Variants in LPAR1 observed in about 807,000 individuals in gnomAD.
The protein encoded by LPAR1 is LPA receptor 1.
A neutral mutation model predicts 23.8 loss-of-function variants in LPAR1; 5 were observed. The ratio of observed to expected loss-of-function variants is 0.21; its 90% CI spans 0.11 to 0.44. LPAR1 has a LOEUF of 0.44. LPAR1 is among the 20% of genes least tolerant of loss of function. The probability of loss-of-function intolerance (pLI) is 0.99; values close to 1 mark genes in which losing one functional copy is unlikely to be tolerated. For synonymous variants in LPAR1, 160 were observed against 164.7 expected (o/e 0.97, Z 0.22); for missense variants, 311 against 482.8 (o/e 0.64, Z 3.33).
At chr9:111,026,512 C>T (rs2097694802) in intron 2 of LPAR1, among the ~76,000 whole-genome samples, 1 of 152,134 alleles carries the variant, frequency 6.6e-6, no homozygotes, top group South Asian at 2.1e-4. Flanking sequence ...TATGAATATC[C>T]TTTATTTTTA....
chr9:110,885,520 G>T (rs1326487134), intron 5 of LPAR1, among the ~76,000 whole-genome samples: 1 of 152,156 alleles, frequency 6.6e-6, no homozygotes, highest in East Asian at 1.9e-4. Context: ...TATGGAAGCA[G>T]CACAACCACC....
intron 4 of LPAR1, among the ~76,000 whole-genome samples, chr9:110,949,378 G>A (rs1283309232): frequency 1.3e-5 from 2 of 152,134 alleles, no homozygotes; most frequent in Non-Finnish European, 2.9e-5. Context: ...GGAACTGACT[G>A]CATTCTCCCT....
intron 4 of LPAR1, among the ~76,000 whole-genome samples, chr9:110,971,460 A>G (rs1171178782): frequency 6.6e-6 from 1 of 152,192 alleles, no homozygotes; most frequent in African/African-American, 2.4e-5. Flanking sequence ...GGTGAATCTG[A>G]AAGAGTCCAG....
chr9:110,975,910 T>A (rs2096544243), intron 2 of LPAR1, among the ~76,000 whole-genome samples: 1 of 152,238 alleles, frequency 6.6e-6, no homozygotes, highest in South Asian at 2.1e-4. Flanking sequence ...AAATAGTGTA[T>A]GCTTACTTTG....
chr9:111,005,546 CAAAAAAAAAA>C (rs60143050), intron 2 of LPAR1, among the ~76,000 whole-genome samples: 11,196 of 70,192 alleles, frequency 0.16, 576 homozygotes, highest in Admixed American at 0.27. Context: ...GACCCTGTCT[CAAAAAAAAAA>C]AAAAAAAAAA....
chr9:110,876,661 G>A (rs1378759147), intron 5 of LPAR1, among the ~76,000 whole-genome samples: 1 of 152,170 alleles, frequency 6.6e-6, no homozygotes, highest in Non-Finnish European at 1.5e-5. Flanking sequence ...TCTTGAAAAT[G>A]ATAACATTAA....
intron 5 of LPAR1, among the ~76,000 whole-genome samples, chr9:110,918,169 T>C (rs775500088): frequency 1.3e-5 from 2 of 152,056 alleles, no homozygotes; most frequent in Non-Finnish European, 2.9e-5. Context: ...ATCCATCCAC[T>C]TTGGCCTCCC....
At chr9:110,946,263 G>A (rs2095374267) in intron 4 of LPAR1, among the ~76,000 whole-genome samples, 1 of 151,958 alleles carries the variant, frequency 6.6e-6, no homozygotes, top group African/African-American at 2.4e-5. Context: ...AAGATTAGAA[G>A]GAACCTGAAA....
At chr9:110,981,862 C>G (rs540213848) in intron 2 of LPAR1, among the ~76,000 whole-genome samples, 4 of 152,242 alleles carry the variant, frequency 2.6e-5, no homozygotes, top group African/African-American at 9.6e-5. Context: ...AGCCAACAAA[C>G]TTATGAAAAA....
chr9:110,928,206 C>T (rs1307761836), intron 5 of LPAR1, among the ~76,000 whole-genome samples: 2 of 152,086 alleles, frequency 1.3e-5, no homozygotes, highest in South Asian at 2.1e-4. Flanking sequence ...TAGAGCAATA[C>T]ATAGAAATGA....
At chr9:110,966,394 G>A (rs373210431) in intron 4 of LPAR1, among the ~76,000 whole-genome samples, 6 of 151,392 alleles carry the variant, frequency 4.0e-5, no homozygotes, top group Non-Finnish European at 5.9e-5. Context: ...CAGGAGAATC[G>A]CTTGAACTCA....
intron 5 of LPAR1, among the ~76,000 whole-genome samples, chr9:110,879,949 A>T (rs373107267): frequency 1.2e-4 from 19 of 152,254 alleles, no homozygotes; most frequent in African/African-American, 4.1e-4. Flanking sequence ...GGAGGTAAGG[A>T]GAAGAAGACA....
At chr9:110,971,935 C>A (rs765840293) in intron 4 of LPAR1, 138 bp downstream of exon 4, 1 of 747,730 alleles carries the variant, frequency 1.3e-6, no homozygotes, top group Non-Finnish European at 2.3e-6. Context: ...CACAAAAGCA[C>A]CATTATTCGA....
chr9:111,018,255 T>C (rs2097494796), intron 2 of LPAR1, among the ~76,000 whole-genome samples: 1 of 152,214 alleles, frequency 6.6e-6, no homozygotes, highest in Admixed American at 6.5e-5. Flanking sequence ...TTATACTAAT[T>C]TCCATCTTTA....
At chr9:110,932,718 A>G (rs2094482915) in intron 5 of LPAR1, among the ~76,000 whole-genome samples, 2 of 152,218 alleles carry the variant, frequency 1.3e-5, no homozygotes, top group Admixed American at 1.3e-4. Context: ...TGTGAACCCT[A>G]TTGTGATCTG....
chr9:110,987,792 T>A (rs1588701353), intron 2 of LPAR1, among the ~76,000 whole-genome samples: 2 of 151,970 alleles, frequency 1.3e-5, no homozygotes, highest in South Asian at 4.1e-4. Context: ...ATCTGCATTG[T>A]TCGTGGGTCA....
intron 5 of LPAR1, among the ~76,000 whole-genome samples, chr9:110,918,435 G>A (rs2093367823): frequency 6.6e-6 from 1 of 152,170 alleles, no homozygotes; most frequent in African/African-American, 2.4e-5. Context: ...AGGCCATTCT[G>A]CAGACACTCA....
At chr9:110,890,111 G>A (rs2083630946) in intron 5 of LPAR1, among the ~76,000 whole-genome samples, 1 of 152,092 alleles carries the variant, frequency 6.6e-6, no homozygotes, top group Non-Finnish European at 1.5e-5. Flanking sequence ...TTACGAAGAA[G>A]AGATAACCAT....
chr9:110,973,169 A>G lies in LPAR1; in HGVS notation c.-104+312T>C, dbSNP rs141882981. 1.5e-3 allele frequency among the ~76,000 whole-genome samples: 229 copies of G among 152,286 alleles called. 2 individuals carry two copies. Among genetic ancestry groups the G allele is most frequent in the African/African-American group, 5.3e-3 (221 of 41,556 alleles). On this transcript the variant is annotated intron_variant, in intron 3 of 5. Transcript: ENST00000683809. ...GTTTGTTTCTGAAATTTTTCATTTA[A>G]TATTTTTGGACCAAGTTTGACTGCA...
Sources: allele counts gnomAD v4.1 joint callset (sites outside exome capture counted in the v4.1 genomes callset), GRCh38; gene constraint gnomAD v4.1.1; transcripts MANE v1.5; gene names NCBI Gene and HGNC (gene_info 2026-07-23, HGNC 2026-07-21).